The following SARAF variants were observed in gnomAD, a reference collection of about 807,000 sequenced individuals.
SARAF encodes the protein store-operated calcium entry associated regulatory factor.
Under a neutral mutation model 39.7 loss-of-function variants are expected in SARAF, and 23 were observed. The observed-to-expected ratio is 0.58, with a 90% confidence interval of 0.42 to 0.82. The LOEUF is 0.82. SARAF is among the 40% of genes least tolerant of loss of function. The pLI, the probability that SARAF is intolerant of heterozygous loss-of-function variation, is 0.00. For synonymous variants in SARAF, 175 were observed against 168.5 expected, an observed-to-expected ratio of 1.04 and a Z score of -0.30; for missense variants, 384 against 418.5, an observed-to-expected ratio of 0.92 and a Z score of 0.72.
At chr8:30,072,584 C>T (rs1801871647) in intron 2 of SARAF, among the ~76,000 whole-genome samples, 2 of 152,242 alleles carry the variant, frequency 1.3e-5, no homozygotes, top group Middle Eastern at 3.4e-3. Flanking sequence ...CTTCCTTAAT[C>T]ATGCGTACTT....
chr8:30,067,840 T>C (rs1336710016), intron 3 of SARAF, among the ~76,000 whole-genome samples: 1 of 152,232 alleles, frequency 6.6e-6, no homozygotes, highest in Non-Finnish European at 1.5e-5. Context: ...TGCATCTTTC[T>C]TGGTGCACCA....
chr8:30,078,296 A>T, intron 1 of SARAF: 1 of 430,592 alleles, frequency 2.3e-6, no homozygotes, highest in Non-Finnish European at 4.5e-6. Flanking sequence ...GACAAACTCC[A>T]GGCTGTAATT....
intron 1 of SARAF, among the ~76,000 whole-genome samples, chr8:30,074,517 A>G (rs1474518708): frequency 6.6e-6 from 1 of 152,274 alleles, no homozygotes; most frequent in Non-Finnish European, 1.5e-5. Context: ...ACTAGAATTC[A>G]TGTATCAAAC....
At chr8:30,074,906 T>C (rs868357165) in intron 1 of SARAF, among the ~76,000 whole-genome samples, 1 of 152,326 alleles carries the variant, frequency 6.6e-6, no homozygotes, top group Middle Eastern at 3.4e-3. Context: ...TCAAAACTAT[T>C]TAAACTATTT....
chr8:30,074,049 A>C lies in SARAF; in HGVS notation c.110T>G (p.Met37Arg), dbSNP rs761911853. 5.0e-6 allele frequency: 8 copies of C among 1,613,458 alleles called. No homozygotes were observed. The highest frequency in any genetic ancestry group is 6.8e-6 in the Non-Finnish European group (8 of 1,179,594). The part of the protein sequence containing the change: ...PALGWNDPDR[M>R]LLRDVKALTL... ...AAGAGCTTTTACATCCCGCAGCAAC[A>C]TTCTGTCTGAAACAGCAAGAAAACA... Residue 37 changes from methionine to arginine, a missense_variant, in exon 2 of 6, where the codon ATG (methionine) becomes AGG (arginine). By Grantham distance (91) the Met-to-Arg change is moderately conservative. Coordinates refer to ENST00000256255, the MANE Select transcript of SARAF (RefSeq NM_016127.6).
At chr8:30,071,763 T>G in intron 2 of SARAF, among the ~76,000 whole-genome samples, 1 of 152,238 alleles carries the variant, frequency 6.6e-6, no homozygotes, top group East Asian at 1.9e-4. Context: ...TCAAGATTCA[T>G]CCACGTTGTA....
At chr8:30,074,106 A>G in intron 1 of SARAF, 51 bp from the exon 2 acceptor site, 1 of 1,576,772 alleles carries the variant, frequency 6.3e-7, no homozygotes. Flanking sequence ...GTGTCAGAGA[A>G]AGAAAGGTTC....
Position 30,082,987 on chromosome 8 carries a change from T to A in SARAF, c.-38A>T, listed in dbSNP as rs1043126597. The A allele has an allele frequency of 5.4e-6, 8 of 1,490,674 alleles. No homozygotes were observed. The highest frequency in any genetic ancestry group is 6.3e-6 in the Non-Finnish European group (7 of 1,104,094). The allele number at this position is 1,490,674 out of a possible 1,614,324, so 92.3% of individuals were successfully genotyped here. A position where few individuals can be genotyped will look rare whatever the true frequency, so the allele number is the denominator to read the frequency against. ...AGATGGCGCCGGGCTGCCAGACGCCTACGGGCCGAACCTGGGTGCGGTAGC... is the reference window on the plus strand; with the variant it reads ...AGATGGCGCCGGGCTGCCAGACGCCAACGGGCCGAACCTGGGTGCGGTAGC... On this transcript the variant is annotated 5_prime_UTR_variant, in exon 1 of 6. Coordinates refer to ENST00000256255, the MANE Select transcript of SARAF (RefSeq NM_016127.6).
chr8:30,079,793 T>G (rs1802057358), intron 1 of SARAF, among the ~76,000 whole-genome samples: 1 of 152,238 alleles, frequency 6.6e-6, no homozygotes, highest in Non-Finnish European at 1.5e-5. Flanking sequence ...TAAATATTAC[T>G]GAAAGTTTTA....
chr8:30,064,534 C>CATACATATATATATATATATATATAT (rs1801627334), intron 5 of SARAF, among the ~76,000 whole-genome samples: 1 of 78,228 alleles, frequency 1.3e-5, no homozygotes, highest in African/African-American at 5.7e-5. Flanking sequence ...CTTACCTAGC[C>CATACATATATATATATATATATATAT]ATATATATAT....
chr8:30,078,947 A>T (rs926521856), intron 1 of SARAF, among the ~76,000 whole-genome samples: 1 of 152,140 alleles, frequency 6.6e-6, no homozygotes, highest in Non-Finnish European at 1.5e-5. Flanking sequence ...ACCTAAGGTC[A>T]GGAGTTCGAG....
Position 30,074,073 on chromosome 8 carries a change from C to T in SARAF, c.104-18G>A, listed in dbSNP as rs1214708861. The stretch of plus-strand genomic sequence containing the variant: ...CATTCTGTCTGAAACAGCAAGAAAA[C>T]AGAGGAACACAAAGTAAGTATCGTG... On this transcript the variant is annotated intron_variant, in intron 1 of 5. Transcript: ENST00000256255. The T allele has an allele frequency of 6.2e-7, 1 of 1,604,332 alleles. No individual in the cohort carries two copies. The highest frequency in any genetic ancestry group is 8.5e-7 in the Non-Finnish European group (1 of 1,173,176).
chr8:30,079,314 A>G (rs1454260769), intron 1 of SARAF, among the ~76,000 whole-genome samples: 1 of 152,156 alleles, frequency 6.6e-6, no homozygotes, highest in Admixed American at 6.5e-5. Flanking sequence ...TGGATAAAAG[A>G]TGTCTTCTTT....
intron 1 of SARAF, among the ~76,000 whole-genome samples, chr8:30,076,890 A>C (rs956693407): frequency 2.0e-5 from 3 of 152,160 alleles, no homozygotes; most frequent in African/African-American, 7.2e-5. Context: ...TTTTTTAATA[A>C]ATTTCCCAGT....
At chr8:30,075,734 C>G (rs1801943597) in intron 1 of SARAF, among the ~76,000 whole-genome samples, 1 of 152,018 alleles carries the variant, frequency 6.6e-6, no homozygotes. Context: ...ACCCAATTCC[C>G]TATATTCAAC....
intron 1 of SARAF, among the ~76,000 whole-genome samples, chr8:30,079,248 A>T (rs1343992740): frequency 1.3e-5 from 2 of 152,126 alleles, no homozygotes; most frequent in Non-Finnish European, 2.9e-5. Context: ...AAAGATCAGA[A>T]ATAAATCAAG....
chr8:30,066,864 C>T lies in SARAF; in HGVS notation c.755G>A (p.Gly252Glu), dbSNP rs201788585. 6.2e-7 allele frequency: 1 copy of T among 1,614,122 alleles called. No homozygotes were observed. Among genetic ancestry groups the T allele is most frequent in the Admixed American group, 1.7e-5 (1 of 60,006 alleles). The part of the protein sequence containing the change: ...ATSGFGSAFT[G>E]QQGYENSGPG... Reference sequence around the variant, plus strand: ...TCCTGAATTTTCATATCCTTGTTGTCCTGTAAAAGCACTGCCAAAACCAGA... The same window carrying T: ...TCCTGAATTTTCATATCCTTGTTGTTCTGTAAAAGCACTGCCAAAACCAGA... Residue 252 changes from glycine (G) to glutamate (E), a missense_variant, in exon 4 of 6, where the codon GGA becomes GAA. Gly to Glu is a moderately conservative substitution (Grantham distance 98). Coordinates refer to ENST00000256255, the MANE Select transcript of SARAF (RefSeq NM_016127.6).
chr8:30,066,985 T>C, intron 3 of SARAF, 67 bp from the exon 4 acceptor site: 1 of 1,460,262 alleles, frequency 6.8e-7, no homozygotes, highest in Admixed American at 1.8e-5. Flanking sequence ...GCAAAGATAA[T>C]GTAACATTTC....
Position 30,069,644 on chromosome 8 carries a change from G to A in SARAF, c.698C>T (p.Thr233Ile), listed in dbSNP as rs369288079. The A allele has an allele frequency of 3.1e-6, 5 of 1,613,720 alleles. No individual in the cohort carries two copies. Among genetic ancestry groups the A allele is most frequent in the Non-Finnish European group, 4.2e-6 (5 of 1,179,774 alleles). ...PPPPGFKSEF[T>I]GPQNTGHGAT... is the part of the protein sequence containing the mutation. Reference sequence around the variant, plus strand: ...TGGCCACTGCGAGGGAAACATACCTGTGAACTCAGACTTAAAGCCTGGGGG... The same window carrying A: ...TGGCCACTGCGAGGGAAACATACCTATGAACTCAGACTTAAAGCCTGGGGG... The change falls in exon 3 of 6, where the codon ACA (threonine) becomes ATA (isoleucine). Residue 233 changes from threonine (T) to isoleucine (I), a missense_variant and splice_region_variant. Thr to Ile is a moderately conservative substitution (Grantham distance 89). Transcript: ENST00000256255.
Sources: allele counts gnomAD v4.1 joint callset (sites outside exome capture counted in the v4.1 genomes callset), GRCh38; gene constraint gnomAD v4.1.1; transcripts MANE v1.5; gene names NCBI Gene and HGNC (gene_info 2026-07-23, HGNC 2026-07-21).